TARM1: variants seen among roughly 807,000 people sequenced by gnomAD.
TARM1 encodes T-cell-interacting, activating receptor on myeloid cells protein 1.
In TARM1, 24 loss-of-function variants were observed where a neutral mutation model predicts 30.4. The ratio of observed to expected loss-of-function variants is 0.79; its 90% confidence interval spans 0.57 to 1.11. The LOEUF is 1.11. Among genes scored for constraint, TARM1 ranks in the 50% least tolerant of loss-of-function variants. TARM1 has a pLI of 0.00. For synonymous variants in TARM1, 129 were observed against 138.9 expected, an observed-to-expected ratio of 0.93 and a Z score of 0.50; for missense variants, 323 against 332.8, an observed-to-expected ratio of 0.97 and a Z score of 0.23.
In TARM1 at chr19:54,075,105, G is replaced by C. The variant is rs61733953; in HGVS notation, c.80C>G (p.Pro27Arg). ...GGGCCAGGCACTGAGGGACGGCTTGGGCAGTGACCCTGGAAGGAAGCAGAG... is the reference window on the plus strand; with the variant it reads ...GGGCCAGGCACTGAGGGACGGCTTGCGCAGTGACCCTGGAAGGAAGCAGAG... ...QGDTRGDGSL[P>R]KPSLSAWPSS... Residue 27 changes from proline (P) to arginine (R), a missense_variant, in exon 3 of 5, where the codon CCC (proline) becomes CGC (arginine). Pro to Arg is a moderately radical substitution (Grantham distance 103). Transcript: ENST00000432826. The C allele has an allele frequency of 9.0e-6, 14 of 1,550,928 alleles. No homozygotes were observed. The highest frequency in any genetic ancestry group is 1.2e-5 in the Non-Finnish European group (14 of 1,146,846).
At chr19:54,072,597 G>C (rs2071838653) in intron 4 of TARM1, among the ~76,000 whole-genome samples, 1 of 152,056 alleles carries the variant, frequency 6.6e-6, no homozygotes, top group Admixed American at 6.6e-5. Flanking sequence ...TCCAGCCTCA[G>C]CCTCCCAAAG....
At position 54,075,915 on chromosome 19, in the gene TARM1, A is replaced by G. The variant is rs1436291800; in HGVS notation, c.38T>C (p.Leu13Pro). ...CCTTGTGTCTCCTTGGCCCACGCAC[A>G]GTCCTGCAAGACAATCCTCCGTGAG... ...PKLLSLLCFR[L>P]CVGQGDTRGD... is the part of the protein sequence containing the mutation. Residue 13 changes from leucine to proline, a missense_variant, in exon 2 of 5, where the codon CTG becomes CCG. Transcript: ENST00000432826. 17 of 1,551,150 alleles carry G rather than the reference A, an allele frequency of 1.1e-5. No individual in the cohort carries two copies. The highest frequency in any genetic ancestry group is 1.7e-4 in the Middle Eastern group (1 of 6,014).
At chr19:54,078,744 C>A (rs2072023260) in intron 1 of TARM1, among the ~76,000 whole-genome samples, 1 of 147,026 alleles carries the variant, frequency 6.8e-6, no homozygotes, top group Admixed American at 7.1e-5. Flanking sequence ...CTCAAGCGAT[C>A]TGCCTGCCTC....
intron 1 of TARM1, chr19:54,076,178 C>G: frequency 6.7e-7 from 1 of 1,500,742 alleles, no homozygotes; most frequent in Non-Finnish European, 8.8e-7. Context: ...ACAAATCCTT[C>G]CATTCTCATC....
chr19:54,073,784 C>T (rs1023182352), intron 4 of TARM1, 136 bp downstream of exon 4: 9 of 1,169,316 alleles, frequency 7.7e-6, no homozygotes, highest in Non-Finnish European at 1.1e-5. Context: ...TGAGCCACCA[C>T]GCCAGGCCAG....
chr19:54,074,784 C>G (rs1568504205), intron 3 of TARM1, 40 bp downstream of exon 3: 2 of 1,536,784 alleles, frequency 1.3e-6, no homozygotes, highest in South Asian at 2.4e-5. Flanking sequence ...TCCCTCATCC[C>G]CTGTCCCCCG....
chr19:54,072,154 A>C (rs2071828408), intron 4 of TARM1, among the ~76,000 whole-genome samples: 1 of 152,122 alleles, frequency 6.6e-6, no homozygotes, highest in Non-Finnish European at 1.5e-5. Flanking sequence ...GCGCCACTGC[A>C]CTCCAGCCTG....
rs2361558 is a variant in TARM1 at position 54,074,944 on chromosome 19, C to T, written c.241G>A (p.Glu81Lys). 9.6e-4 allele frequency: 1,489 copies of T among 1,551,528 alleles called. 10 individuals carry two copies. Among genetic ancestry groups the T allele is most frequent in the South Asian group, 9.2e-3 (777 of 84,044 alleles). The change falls in exon 3 of 5, where the codon GAA (glutamate) becomes AAA (lysine). Residue 81 changes from glutamate to lysine, a missense_variant. Coordinates refer to ENST00000432826, the MANE Select transcript of TARM1 (RefSeq NM_001135686.3). ...KPLDSTEGAA[E>K]FHLNNLKVRN... ...ACTTTTAGATTATTGAGGTGAAATT[C>T]GGCCGCGCCCTCTGTAGAATCAAGG...
Position 54,080,490 on chromosome 19 carries a change from GGAAGGGAGGA to G in TARM1, c.34+807_34+816del, listed in dbSNP as rs2072098470. 9.0e-3 allele frequency among the ~76,000 whole-genome samples: 765 copies of G among 84,964 alleles called. 1 individual carries two copies. Among genetic ancestry groups the G allele is most frequent in the Middle Eastern group, 0.018 (3 of 168 alleles). The allele number at this position is 84,964 out of a possible 152,430, so 55.7% of individuals were successfully genotyped here. A position where few individuals can be genotyped will look rare whatever the true frequency, so the allele number is the denominator to read the frequency against. On this transcript the variant is annotated intron_variant, in intron 1 of 4. Transcript: ENST00000432826. The stretch of plus-strand genomic sequence containing the variant: ...AAAAAAAGAAAGAGAGAGAGAGGAA[GGAAGGGAGGA>G]AGGAAGGAAGGAAGGAAGGAAGGAA...
At chr19:54,079,406 G>A (rs919295341) in intron 1 of TARM1, among the ~76,000 whole-genome samples, 11 of 152,182 alleles carry the variant, frequency 7.2e-5, no homozygotes, top group African/African-American at 2.2e-4. Flanking sequence ...GCTAGACCAG[G>A]CCACAGGATG....
intron 1 of TARM1, chr19:54,076,402 G>T (rs1304473850): frequency 2.0e-6 from 1 of 493,632 alleles, no homozygotes; most frequent in African/African-American, 2.3e-5. Flanking sequence ...GCGCTCTGTC[G>T]CCCAGGCTGG....
intron 1 of TARM1, among the ~76,000 whole-genome samples, chr19:54,080,132 G>GAAAGAAAGAAAGAAAGA (rs2072073272): frequency 3.7e-4 from 19 of 51,876 alleles, no homozygotes; most frequent in African/African-American, 9.1e-4. Context: ...AGGAAGGAAG[G>GAAAGAAAGAAAGAAAGA]AAGGAAGAAA....
rs1453767672 is a variant in TARM1 at position 54,069,962 on chromosome 19, G to T, written c.*41C>A. 1 of 1,485,586 alleles carries T rather than the reference G, an allele frequency of 6.7e-7. No homozygotes were observed. The highest frequency in any genetic ancestry group is 2.0e-5 in the Admixed American group (1 of 49,910). The allele number at this position is 1,485,586 out of a possible 1,614,324, so 92.0% of individuals were successfully genotyped here. A position where few individuals can be genotyped will look rare whatever the true frequency, so the allele number is the denominator to read the frequency against. On this transcript the variant is annotated 3_prime_UTR_variant, in exon 5 of 5. Coordinates refer to ENST00000432826, the MANE Select transcript of TARM1 (RefSeq NM_001135686.3). Reference sequence around the variant, plus strand: ...AACCCCCTGGGAATGCAGTCCAGCAGGTTGCAGCCTCAGTTTACCCAGCCC... The same window carrying T: ...AACCCCCTGGGAATGCAGTCCAGCATGTTGCAGCCTCAGTTTACCCAGCCC...
At chr19:54,080,552 A>AAAAG (rs1213804466) in intron 1 of TARM1, among the ~76,000 whole-genome samples, 1 of 145,130 alleles carries the variant, frequency 6.9e-6, no homozygotes, top group African/African-American at 2.5e-5. Flanking sequence ...GGGAAGGAGA[A>AAAAG]AAAGAAAGAA....
At chr19:54,070,550 G>A (rs113234407) in intron 4 of TARM1, among the ~76,000 whole-genome samples, 176 of 150,252 alleles carry the variant, frequency 1.2e-3, no homozygotes, top group Middle Eastern at 3.5e-3. Flanking sequence ...GTGAGCCACC[G>A]CGCCCGGCCA....
chr19:54,076,803 G>A (rs587658922), intron 1 of TARM1, among the ~76,000 whole-genome samples: 34 of 151,856 alleles, frequency 2.2e-4, no homozygotes, highest in Non-Finnish European at 7.4e-5. Context: ...TCAGCCTCCC[G>A]AGTAGCTGGG....
At chr19:54,072,838 C>T (rs139859800) in intron 4 of TARM1, among the ~76,000 whole-genome samples, 4 of 151,616 alleles carry the variant, frequency 2.6e-5, no homozygotes, top group East Asian at 2.0e-4. Context: ...ATTAGCCAGG[C>T]GTGGTGGCGG....
At chr19:54,071,810 G>A (rs1201399483) in intron 4 of TARM1, among the ~76,000 whole-genome samples, 3 of 151,794 alleles carry the variant, frequency 2.0e-5, no homozygotes, top group Admixed American at 1.3e-4. Flanking sequence ...CAGCTTGGGC[G>A]ACAGAGTGAG....
At chr19:54,077,907 C>T (rs587694815) in intron 1 of TARM1, among the ~76,000 whole-genome samples, 1 of 148,506 alleles carries the variant, frequency 6.7e-6, no homozygotes, top group Non-Finnish European at 1.5e-5. Context: ...CTCCGCCTTG[C>T]AGGTTCAAGT....
Sources: gnomAD v4.1 joint callset for allele counts (sites outside exome capture counted in the v4.1 genomes callset) on GRCh38, gnomAD v4.1.1 for gene constraint, MANE v1.5 for transcripts, NCBI Gene and HGNC (gene_info 2026-07-23, HGNC 2026-07-21) for gene names.